UPF3A: variants seen among roughly 807,000 people sequenced by gnomAD.
UPF3A encodes regulator of nonsense transcripts 3A.
A neutral mutation model predicts 53.5 loss-of-function variants in UPF3A; 42 were observed. The ratio of observed to expected loss-of-function variants is 0.78; its 90% confidence interval spans 0.61 to 1.01. The LOEUF (loss-of-function observed/expected upper bound fraction) is 1.01. Among genes scored for constraint, UPF3A ranks in the 50% least tolerant of loss-of-function variants. The pLI is 0.00. For synonymous variants in UPF3A, 237 were observed against 225.3 expected (o/e 1.05, Z -0.47); for missense variants, 575 against 598.0 (o/e 0.96, Z 0.40).
chr13:114,286,318 A>G lies in UPF3A; in HGVS notation c.438A>G (p.Ala146=), dbSNP rs919932177. The change falls in exon 4 of 10, where the codon GCA becomes GCG. Residue 146 remains alanine (A), a synonymous_variant. Coordinates refer to ENST00000375299, the MANE Select transcript of UPF3A (RefSeq NM_023011.4). ...FLDSKGLEYP[A]VVEFAPFQKI... is the part of the protein sequence containing the mutation. Reference sequence around the variant, plus strand: ...TGTTAAAAGGCCTAGAATATCCTGCAGTGGTAGAGTTTGCTCCATTCCAGA... The same window carrying G: ...TGTTAAAAGGCCTAGAATATCCTGCGGTGGTAGAGTTTGCTCCATTCCAGA... The G allele has an allele frequency of 6.2e-7, 1 of 1,614,134 alleles. No homozygotes were observed.
At position 114,285,988 on chromosome 13, in the gene UPF3A, T is replaced by C. The variant is rs573676715; in HGVS notation, c.422-314T>C. On this transcript the variant is annotated intron_variant, in intron 3 of 9. Transcript: ENST00000375299. ...CTTTTAAAGTGAACAATTTGATGAA[T>C]TTTGAACAACTTCAGTTATGCAACC... is the stretch of plus-strand genomic sequence containing the variant. 73 of 300,788 alleles carry C rather than the reference T, an allele frequency of 2.4e-4. 1 individual carries two copies. The South Asian group carries it at 4.5e-3, about 19-fold the overall frequency. The allele number at this position is 300,788 out of a possible 1,614,324, so 18.6% of individuals were successfully genotyped here.
At chr13:114,281,902 A>G in intron 1 of UPF3A, 56 bp downstream of exon 1, 2 of 505,394 alleles carry the variant, frequency 4.0e-6, no homozygotes, top group Non-Finnish European at 7.2e-6. Flanking sequence ...CCCTGAGTGG[A>G]GGGAGGGGAG....
chr13:114,281,668 G>A lies in UPF3A; in HGVS notation c.29G>A (p.Gly10Asp), dbSNP rs1474990197. ...CGCTCGGAAAAGGAGGGGGCCGGAG[G>A]CCTTCGGGCGGCCGTTGCCGCGCGG... Reference protein sequence around the residue: MRSEKEGAGGLRAAVAARGP... With the variant: MRSEKEGAGDLRAAVAARGP... The change falls in exon 1 of 10, where the codon GGC becomes GAC. Residue 10 changes from glycine to aspartate, a missense_variant. This residue lies in a region of UPF3A where 252 missense variants were observed against 182.7 expected (regional missense o/e 1.38). Coordinates refer to ENST00000375299, the MANE Select transcript of UPF3A (RefSeq NM_023011.4). 4.6e-6 allele frequency: 7 copies of A among 1,526,062 alleles called. No homozygotes were observed. 94.5% of individuals were successfully genotyped at this position (1,526,062 alleles called of 1,614,324 possible). A position where few individuals can be genotyped will look rare whatever the true frequency, so the allele number is the denominator to read the frequency against.
intron 7 of UPF3A, among the ~76,000 whole-genome samples, chr13:114,294,838 C>A (rs189967612): frequency 7.2e-6 from 1 of 139,062 alleles, no homozygotes; most frequent in African/African-American, 2.7e-5. Flanking sequence ...AAGGCTGGAC[C>A]GCGGTGGCTC....
chr13:114,294,273 T>TGGGG (rs11455010), intron 7 of UPF3A, among the ~76,000 whole-genome samples: 7 of 143,066 alleles, frequency 4.9e-5, no homozygotes, highest in Non-Finnish European at 9.2e-5. Context: ...TTGGTTTTGG[T>TGGGG]GGGGGGGGGG....
chr13:114,294,291 CAG>C (rs1232218827), intron 7 of UPF3A, among the ~76,000 whole-genome samples: 2 of 143,298 alleles, frequency 1.4e-5, no homozygotes, highest in East Asian at 2.1e-4. Flanking sequence ...GGGTTTGAGA[CAG>C]GGTCTCAATG....
chr13:114,283,084 C>A, intron 3 of UPF3A, 141 bp downstream of exon 3: 1 of 635,080 alleles, frequency 1.6e-6, no homozygotes, highest in Non-Finnish European at 2.6e-6. Flanking sequence ...GTGCAGCAGC[C>A]GCAATCACGG....
rs147122133 is a variant in UPF3A at position 114,298,714 on chromosome 13, A to T, written c.847-126A>T. The T allele has an allele frequency of 9.3e-3, 9,106 of 974,018 alleles. 65 individuals are homozygous for T. The highest frequency in any genetic ancestry group is 0.011 in the Non-Finnish European group (7,963 of 711,086). The allele number at this position is 974,018 out of a possible 1,614,324, so 60.3% of individuals were successfully genotyped here. ...CCAAAAACCTCATTTTTGGACCTTT[A>T]GCTTTAATTCTTTGCTGTGCAAACA... On this transcript the variant is annotated intron_variant, in intron 7 of 9. Transcript: ENST00000375299.
rs536873397 is a variant in UPF3A, at chr13:114,305,253, T to C, written c.*336T>C. ...GATCAGTGTGAGTCCTGAAGCACTT[T>C]CAGTGCTGTGAGAACGACATCCACT... On this transcript the variant is annotated 3_prime_UTR_variant, in exon 10 of 10. Transcript: ENST00000375299. The C allele has an allele frequency of 6.4e-5, 20 of 312,890 alleles. No homozygotes were observed. The highest frequency in any genetic ancestry group is 5.1e-4 in the South Asian group (19 of 37,286). The allele number at this position is 312,890 out of a possible 1,614,324, so 19.4% of individuals were successfully genotyped here. A position where few individuals can be genotyped will look rare whatever the true frequency, so the allele number is the denominator to read the frequency against.
rs1293095374 is a variant in UPF3A at position 114,286,615 on chromosome 13, C to T, written c.617C>T (p.Thr206Ile). 6.2e-7 allele frequency: 1 copy of T among 1,612,752 alleles called. No individual in the cohort carries two copies. The highest frequency in any genetic ancestry group is 2.2e-5 in the East Asian group (1 of 44,898). Residue 206 changes from threonine (T) to isoleucine (I), a missense_variant, in exon 5 of 10, where the codon ACA becomes ATA. Around this residue, in one of 2 missense-constraint regions of UPF3A, gnomAD observed 323 missense variants for 415.2 expected, o/e 0.78. Transcript: ENST00000375299. ...CTGCTGGGGGAGATGGAGGCGAAGA[C>T]AAGAGAGCTCATTGGTCTGTTTTGC... ...ETLLGEMEAK[T>I]RELIARRTTP...
In UPF3A at chr13:114,290,469, A is replaced by G. The variant is rs527758915; in HGVS notation, c.632-1020A>G. Among the ~76,000 whole-genome samples the G allele has an allele frequency of 1.3e-3, 203 of 152,308 alleles. 1 individual carries two copies. Among genetic ancestry groups the G allele is most frequent in the African/African-American group, 4.7e-3 (194 of 41,576 alleles). On this transcript the variant is annotated intron_variant, in intron 5 of 9. Transcript: ENST00000375299. The stretch of plus-strand genomic sequence containing the variant: ...CTGAGATCTTACAGACCCACAGAGT[A>G]GACCCCGTCTTCCCCCTTCCCATTT...
In UPF3A at chr13:114,281,632, A is replaced by T; in HGVS notation, c.-8A>T. 7.0e-7 allele frequency: 1 copy of T among 1,426,760 alleles called. No homozygotes were observed. Among genetic ancestry groups the T allele is most frequent in the Non-Finnish European group, 9.2e-7 (1 of 1,089,812 alleles). The allele number at this position is 1,426,760 out of a possible 1,614,324, so 88.4% of individuals were successfully genotyped here. A position where few individuals can be genotyped will look rare whatever the true frequency, so the allele number is the denominator to read the frequency against. On this transcript the variant is annotated 5_prime_UTR_variant, in exon 1 of 10. Coordinates refer to ENST00000375299, the MANE Select transcript of UPF3A (RefSeq NM_023011.4). The stretch of plus-strand genomic sequence containing the variant: ...GGCTGGCGGCTGCGGCTCGGCGGAG[A>T]GTGCGGCATGCGCTCGGAAAAGGAG...
At chr13:114,291,411 A>G in intron 5 of UPF3A, 78 bp from the exon 6 acceptor site, 1 of 1,318,178 alleles carries the variant, frequency 7.6e-7, no homozygotes, top group Admixed American at 2.4e-5. Flanking sequence ...TTTATTTTAA[A>G]GATTACATTC....
At chr13:114,287,125 G>A (rs1234419169) in intron 5 of UPF3A, 1 of 156,316 alleles carries the variant, frequency 6.4e-6, no homozygotes, top group Non-Finnish European at 1.4e-5. Context: ...TCCACCCCAT[G>A]CCCACAAGTG....
intron 7 of UPF3A, among the ~76,000 whole-genome samples, chr13:114,292,110 T>A (rs1013192433): frequency 1.3e-5 from 2 of 150,654 alleles, no homozygotes; most frequent in Non-Finnish European, 3.0e-5. Flanking sequence ...TTTTTTTTTT[T>A]AAACTTTCCA....
intron 9 of UPF3A, among the ~76,000 whole-genome samples, chr13:114,303,805 A>G (rs1447084652): frequency 2.0e-5 from 3 of 152,132 alleles, no homozygotes; most frequent in Non-Finnish European, 4.4e-5. Flanking sequence ...AAGAAAAACA[A>G]ACAGAGCTAT....
At chr13:114,292,492 C>T (rs1215148826) in intron 7 of UPF3A, among the ~76,000 whole-genome samples, 2 of 147,324 alleles carry the variant, frequency 1.4e-5, no homozygotes, top group African/African-American at 5.1e-5. Context: ...AAGGCGTACA[C>T]GTGCAGGTGT....
In UPF3A at chr13:114,291,688, C is replaced by T. The variant is rs774953253; in HGVS notation, c.742C>T (p.Arg248Cys). 7.3e-5 allele frequency: 117 copies of T among 1,603,480 alleles called. No homozygotes were observed. Among genetic ancestry groups the T allele is most frequent in the Non-Finnish European group, 5.9e-5 (69 of 1,175,116 alleles). The change falls in exon 7 of 10, where the codon CGT (arginine) becomes TGT (cysteine). Residue 248 changes from arginine to cysteine, a missense_variant. By Grantham distance (180) the Arg-to-Cys change is radical. Transcript: ENST00000375299. ...ERRRRELEKK[R>C]LREEEKRRRR... ...GAGGAGGAGAGAGTTAGAAAAGAAACGTTTGCGGGAAGAGGAAAAAAGAAG... is the reference window on the plus strand; with the variant it reads ...GAGGAGGAGAGAGTTAGAAAAGAAATGTTTGCGGGAAGAGGAAAAAAGAAG...
intron 9 of UPF3A, among the ~76,000 whole-genome samples, chr13:114,303,469 A>G (rs1384811743): frequency 6.6e-6 from 1 of 152,168 alleles, no homozygotes; most frequent in Non-Finnish European, 1.5e-5. Flanking sequence ...CCATCTGTGT[A>G]TACAGGTATT....
Sources: gnomAD v4.1 joint callset for allele counts (sites outside exome capture counted in the v4.1 genomes callset) on GRCh38, gnomAD v4.1.1 for gene constraint, gnomAD v4.1.1 regional missense constraint, MANE v1.5 for transcripts, NCBI Gene and HGNC (gene_info 2026-07-23, HGNC 2026-07-21) for gene names.